CHST8: variants seen among roughly 807,000 people sequenced by gnomAD.
CHST8 encodes the protein carbohydrate sulfotransferase 8, also known as GALNAC-4-ST1.
A neutral mutation model predicts 15.0 loss-of-function variants in CHST8; 10 were observed. That is an observed-to-expected ratio of 0.67 (90% CI 0.41 to 1.13). CHST8 has a LOEUF of 1.13. CHST8 is among the 50% of genes most tolerant of loss of function. CHST8 has a pLI of 0.00. For missense variants in CHST8, 634 were observed against 608.2 expected (o/e 1.04, Z -0.45); for synonymous variants, 259 against 256.6 (o/e 1.01, Z -0.09).
chr19:33,701,782 C>T (rs1973341055), intron 3 of CHST8, among the ~76,000 whole-genome samples: 2 of 152,218 alleles, frequency 1.3e-5, no homozygotes, highest in African/African-American at 4.8e-5. Flanking sequence ...GGTACTCATT[C>T]TATTTTCCCT....
intron 1 of CHST8, among the ~76,000 whole-genome samples, chr19:33,652,372 CTTTT>C (rs971053736): frequency 9.9e-6 from 1 of 100,612 alleles, no homozygotes; most frequent in Admixed American, 1.3e-4. Context: ...TTTTCTCTCT[CTTTT>C]TTTTTTTTTT....
intron 3 of CHST8, among the ~76,000 whole-genome samples, chr19:33,760,184 T>G (rs2145376430): frequency 6.6e-6 from 1 of 152,008 alleles, no homozygotes; most frequent in East Asian, 1.9e-4. Flanking sequence ...TCTTTGAGAC[T>G]CTCCTGGGCC....
intron 3 of CHST8, among the ~76,000 whole-genome samples, chr19:33,762,051 C>G (rs144344099): frequency 0.021 from 3,158 of 152,312 alleles, 53 homozygotes; most frequent in Non-Finnish European, 0.027. Context: ...TGCATTTCCT[C>G]GGCATGCCTG....
At chr19:33,718,185 G>A (rs984665338) in intron 3 of CHST8, among the ~76,000 whole-genome samples, 13 of 152,126 alleles carry the variant, frequency 8.5e-5, no homozygotes, top group Admixed American at 8.5e-4. Flanking sequence ...TGCAGTAGGG[G>A]ATAGTTGCCT....
chr19:33,644,932 G>T (rs1432224978), intron 1 of CHST8, among the ~76,000 whole-genome samples: 1 of 152,104 alleles, frequency 6.6e-6, no homozygotes, highest in Non-Finnish European at 1.5e-5. Flanking sequence ...CTAGGCCAGT[G>T]GTTCTCAGCC....
chr19:33,703,326 A>G (rs960783988), intron 3 of CHST8, among the ~76,000 whole-genome samples: 9 of 152,212 alleles, frequency 5.9e-5, no homozygotes, highest in African/African-American at 2.2e-4. Flanking sequence ...AACCCTCCTG[A>G]TGTCCTCGAG....
rs117871983 is a variant in CHST8 at position 33,672,015 on chromosome 19, A to G, written c.-87+4172A>G. 2.1e-3 allele frequency among the ~76,000 whole-genome samples: 324 copies of G among 152,088 alleles called. 3 individuals carry two copies. The highest frequency in any genetic ancestry group is 0.016 in the South Asian group (78 of 4,812). The stretch of plus-strand genomic sequence containing the variant: ...GTTCTTCTTTATGTTATTTACCTGT[A>G]TGTATGTGTATGTATGTATATATAT... On this transcript the variant is annotated intron_variant, in intron 2 of 4. Coordinates refer to ENST00000650847, the MANE Select transcript of CHST8 (RefSeq NM_001127895.2).
chr19:33,737,298 C>A (rs1327833386), intron 3 of CHST8, among the ~76,000 whole-genome samples: 3 of 152,202 alleles, frequency 2.0e-5, no homozygotes, highest in African/African-American at 4.8e-5. Flanking sequence ...CTCTTGAATT[C>A]TTTCCTGCAC....
Position 33,757,523 on chromosome 19 carries a change from A to G in CHST8, c.131-13890A>G, listed in dbSNP as rs191025869. On this transcript the variant is annotated intron_variant, in intron 3 of 4. Transcript: ENST00000650847. ...GAAAGAAAGAAAGAAAGAAAGAAAGAGAAAGAAAGAAAGAAAGAAAGAAAG... is the reference window on the plus strand; with the variant it reads ...GAAAGAAAGAAAGAAAGAAAGAAAGGGAAAGAAAGAAAGAAAGAAAGAAAG... Among the ~76,000 whole-genome samples the G allele has an allele frequency of 1.3e-3, 18 of 13,394 alleles. 2 individuals are homozygous for G. Among genetic ancestry groups the G allele is most frequent in the African/African-American group, 4.9e-3 (13 of 2,670 alleles). The allele number at this position is 13,394 out of a possible 152,430, so 8.8% of individuals were successfully genotyped here.
chr19:33,715,955 A>G (rs1454575295), intron 3 of CHST8, among the ~76,000 whole-genome samples: 2 of 152,188 alleles, frequency 1.3e-5, no homozygotes, highest in Non-Finnish European at 2.9e-5. Context: ...GTCCATTTAG[A>G]AAGATACTCT....
At chr19:33,769,956 C>T (rs1177578987) in intron 3 of CHST8, among the ~76,000 whole-genome samples, 1 of 152,194 alleles carries the variant, frequency 6.6e-6, no homozygotes, top group African/African-American at 2.4e-5. Context: ...ATTTCTGCCT[C>T]TCTTGGGACT....
At chr19:33,630,385 G>A (rs1179026302) in intron 1 of CHST8, among the ~76,000 whole-genome samples, 4 of 152,252 alleles carry the variant, frequency 2.6e-5, no homozygotes, top group African/African-American at 9.6e-5. Flanking sequence ...CTTCAGCATA[G>A]CCGGTGCGTG....
In CHST8 at chr19:33,640,973, G is replaced by A. The variant is rs140486851; in HGVS notation, c.-164+18677G>A. ...GCCCAAAGTCACACCCCATCCCACC[G>A]CCAGGGACTGCTACTGCTGTGGGAT... is the stretch of plus-strand genomic sequence containing the variant. On this transcript the variant is annotated intron_variant, in intron 1 of 4. Transcript: ENST00000650847. Among the ~76,000 whole-genome samples, 8 of 152,238 alleles carry A rather than the reference G, an allele frequency of 5.3e-5. No homozygotes were observed. In the East Asian group the frequency reaches 1.2e-3, roughly 22 times the overall value.
chr19:33,773,211 G>A lies in CHST8; in HGVS notation c.*148G>A, dbSNP rs1013712435. The stretch of plus-strand genomic sequence containing the variant: ...CTGTGGGAGGCAGCAGGCCCCGGGT[G>A]GGGGGCAGAGGCGCCCAGCCTTGGA... On this transcript the variant is annotated 3_prime_UTR_variant, in exon 5 of 5. Coordinates refer to ENST00000650847, the MANE Select transcript of CHST8 (RefSeq NM_001127895.2). 190 of 902,624 alleles carry A rather than the reference G, an allele frequency of 2.1e-4. 1 individual carries two copies. The highest frequency in any genetic ancestry group is 1.3e-3 in the African/African-American group (79 of 59,454). The allele number at this position is 902,624 out of a possible 1,614,324, so 55.9% of individuals were successfully genotyped here.
intron 3 of CHST8, among the ~76,000 whole-genome samples, chr19:33,698,263 C>T (rs1235493969): frequency 2.0e-5 from 3 of 151,954 alleles, no homozygotes; most frequent in Admixed American, 6.6e-5. Context: ...GAGCTGAGAT[C>T]GCGCCAACTA....
chr19:33,641,308 G>A (rs758764673), intron 1 of CHST8, among the ~76,000 whole-genome samples: 6 of 152,156 alleles, frequency 3.9e-5, no homozygotes, highest in Non-Finnish European at 7.3e-5. Flanking sequence ...CAGAGTCCTC[G>A]GGGAACAGGA....
At chr19:33,656,092 G>T (rs1972507604) in intron 1 of CHST8, among the ~76,000 whole-genome samples, 1 of 152,144 alleles carries the variant, frequency 6.6e-6, no homozygotes, top group African/African-American at 2.4e-5. Flanking sequence ...ATTTTTTGTA[G>T]TCTAAAATTG....
At chr19:33,672,405 C>A (rs1251521580) in intron 2 of CHST8, among the ~76,000 whole-genome samples, 2 of 152,126 alleles carry the variant, frequency 1.3e-5, no homozygotes, top group African/African-American at 4.8e-5. Context: ...ACCATGTTGG[C>A]CAGGCTGGTC....
intron 1 of CHST8, among the ~76,000 whole-genome samples, chr19:33,635,256 G>A (rs1276084606): frequency 1.3e-5 from 2 of 152,144 alleles, no homozygotes; most frequent in Non-Finnish European, 2.9e-5. Flanking sequence ...CATGAAGACC[G>A]TGGTGAAGCC....
Sources: gnomAD v4.1 joint callset for allele counts (sites outside exome capture counted in the v4.1 genomes callset) on GRCh38, gnomAD v4.1.1 for gene constraint, MANE v1.5 for transcripts, NCBI Gene and HGNC (gene_info 2026-07-23, HGNC 2026-07-21) for gene names.